SHB: variants seen among roughly 807,000 people sequenced by gnomAD.
SHB encodes SH2 domain-containing adapter protein B.
A neutral mutation model predicts 52.3 loss-of-function variants in SHB; 20 were observed. The observed-to-expected ratio is 0.38, with a 90% CI of 0.27 to 0.56. SHB has a LOEUF of 0.56. Among genes scored for constraint, SHB ranks in the 20% least tolerant of loss-of-function variants. SHB has a pLI of 0.71. For missense variants in SHB, 825 were observed against 723.3 expected (o/e 1.14, Z -1.61); for synonymous variants, 397 against 316.5 (o/e 1.25, Z -2.70).
At chr9:38,036,673 A>C (rs1214549162) in intron 1 of SHB, among the ~76,000 whole-genome samples, 1 of 152,238 alleles carries the variant, frequency 6.6e-6, no homozygotes, top group Non-Finnish European at 1.5e-5. Context: ...TCTGAGCCCC[A>C]GACTCTCTGG....
intron 1 of SHB, among the ~76,000 whole-genome samples, chr9:38,039,237 C>T (rs1243212191): frequency 1.3e-5 from 2 of 152,150 alleles, no homozygotes; most frequent in Non-Finnish European, 2.9e-5. Flanking sequence ...GACAAAAAAA[C>T]CTAAAAACAA....
At chr9:37,921,540 G>A (rs988621742) in intron 5 of SHB, among the ~76,000 whole-genome samples, 21 of 152,204 alleles carry the variant, frequency 1.4e-4, no homozygotes, top group African/African-American at 3.4e-4. Flanking sequence ...AAAGGAAATC[G>A]TTGGGAGAGC....
At position 37,978,592 on chromosome 9, in the gene SHB, C is replaced by T. The variant is rs1280142588; in HGVS notation, c.839-3755G>A. On this transcript the variant is annotated intron_variant, in intron 2 of 5. Coordinates refer to ENST00000377707, the MANE Select transcript of SHB (RefSeq NM_003028.3). ...TGTGGGGGGCAAAGTATAACGCAGG[C>T]TTTTTAAACAAGTCTCCGTCAATAT... Among the ~76,000 whole-genome samples the T allele has an allele frequency of 2.0e-5, 3 of 152,122 alleles. No individual in the cohort carries two copies. The East Asian group carries it at 5.8e-4, about 29-fold the overall frequency.
intron 2 of SHB, among the ~76,000 whole-genome samples, chr9:37,992,317 C>T (rs1820892007): frequency 6.6e-6 from 1 of 152,210 alleles, no homozygotes; most frequent in African/African-American, 2.4e-5. Context: ...AGGAGAATCA[C>T]TTCAACCCAG....
chr9:38,044,284 G>C (rs891989453), intron 1 of SHB, among the ~76,000 whole-genome samples: 1 of 152,188 alleles, frequency 6.6e-6, no homozygotes, highest in Non-Finnish European at 1.5e-5. Context: ...ACTGCCTGTG[G>C]GCCAAAGGCT....
chr9:38,030,205 C>A (rs1208898879), intron 1 of SHB, among the ~76,000 whole-genome samples: 1 of 152,174 alleles, frequency 6.6e-6, no homozygotes, highest in East Asian at 1.9e-4. Context: ...CCCAACCAAG[C>A]CCACACAGGT....
At chr9:37,966,273 GCAAAAGTATTCTAT>G (rs1241797619) in intron 3 of SHB, among the ~76,000 whole-genome samples, 2 of 152,338 alleles carry the variant, frequency 1.3e-5, no homozygotes, top group Admixed American at 6.5e-5. Context: ...AAACAGAAGA[GCAAAAGTATTCTAT>G]CAAATCTTTG....
At chr9:37,946,693 T>A (rs549307675) in intron 5 of SHB, among the ~76,000 whole-genome samples, 1 of 152,176 alleles carries the variant, frequency 6.6e-6, no homozygotes, top group African/African-American at 2.4e-5. Context: ...ACGGCCCGGT[T>A]TGGCATGGAG....
chr9:38,063,163 AAACCAC>A (rs964409604), intron 1 of SHB, among the ~76,000 whole-genome samples: 2 of 152,220 alleles, frequency 1.3e-5, no homozygotes, highest in African/African-American at 2.4e-5. Flanking sequence ...GTCCCAAGCC[AAACCAC>A]AGCTATCAAG....
intron 1 of SHB, among the ~76,000 whole-genome samples, chr9:38,030,093 C>A (rs1201640206): frequency 6.6e-6 from 1 of 152,198 alleles, no homozygotes; most frequent in Non-Finnish European, 1.5e-5. Flanking sequence ...ACCACAAAGT[C>A]CAGTGAGGGC....
At chr9:38,036,970 T>G (rs543772883) in intron 1 of SHB, among the ~76,000 whole-genome samples, 1 of 152,202 alleles carries the variant, frequency 6.6e-6, no homozygotes, top group East Asian at 1.9e-4. Flanking sequence ...TCAACAGACT[T>G]AGAAGTGACT....
intron 2 of SHB, among the ~76,000 whole-genome samples, chr9:37,976,009 T>A (rs1333756824): frequency 1.3e-5 from 2 of 152,308 alleles, no homozygotes; most frequent in East Asian, 3.9e-4. Flanking sequence ...TGTGGTAAAA[T>A]ACATATAATA....
At chr9:37,964,685 G>A (rs1394860973) in intron 3 of SHB, among the ~76,000 whole-genome samples, 3 of 152,148 alleles carry the variant, frequency 2.0e-5, no homozygotes, top group Admixed American at 1.3e-4. Context: ...CCCCTAACAA[G>A]TTCAGCATAA....
intron 1 of SHB, among the ~76,000 whole-genome samples, chr9:38,058,499 C>A (rs567097815): frequency 6.6e-6 from 1 of 152,338 alleles, no homozygotes; most frequent in African/African-American, 2.4e-5. Context: ...CTGTCAAAGC[C>A]CTGCTTTCAG....
intron 4 of SHB, among the ~76,000 whole-genome samples, chr9:37,949,785 C>T (rs796950200): frequency 6.6e-6 from 1 of 152,206 alleles, no homozygotes; most frequent in African/African-American, 2.4e-5. Context: ...ACGGCTCTAG[C>T]ACCACTTGGG....
chr9:37,994,827 A>G (rs1004924687), intron 2 of SHB, among the ~76,000 whole-genome samples: 1 of 152,118 alleles, frequency 6.6e-6, no homozygotes, highest in African/African-American at 2.4e-5. Flanking sequence ...AATATCAGTC[A>G]TGTATGCTGC....
intron 2 of SHB, among the ~76,000 whole-genome samples, chr9:37,987,815 A>C (rs1359135934): frequency 6.6e-6 from 1 of 152,172 alleles, no homozygotes; most frequent in Non-Finnish European, 1.5e-5. Flanking sequence ...GGGGCGGCCA[A>C]CACAGGCTGC....
chr9:38,037,008 C>T lies in SHB; in HGVS notation c.718-20877G>A, dbSNP rs115005545. Among the ~76,000 whole-genome samples the T allele has an allele frequency of 5.6e-3, 854 of 152,314 alleles. 8 individuals are homozygous for T. Among genetic ancestry groups the T allele is most frequent in the African/African-American group, 0.02 (827 of 41,560 alleles). The stretch of plus-strand genomic sequence containing the variant: ...ACTATGAAACTCCTCCCTGCAGAGA[C>T]AGCAAAATAGACCCAGAGAGAGCAA... On this transcript the variant is annotated intron_variant, in intron 1 of 5. Transcript: ENST00000377707.
At chr9:37,966,454 T>G (rs1820526429) in intron 3 of SHB, among the ~76,000 whole-genome samples, 1 of 152,182 alleles carries the variant, frequency 6.6e-6, no homozygotes, top group Admixed American at 6.6e-5. Flanking sequence ...AAAAACCAAC[T>G]GGAAAAACCT....
Sources: allele counts gnomAD v4.1 joint callset (sites outside exome capture counted in the v4.1 genomes callset), GRCh38; gene constraint gnomAD v4.1.1; transcripts MANE v1.5; gene names NCBI Gene and HGNC (gene_info 2026-07-23, HGNC 2026-07-21).